PHC2: variants seen among roughly 807,000 people sequenced by gnomAD.
PHC2 encodes the protein polyhomeotic-like protein 2.
Under a neutral mutation model 87.4 loss-of-function variants are expected in PHC2, and 29 were observed. The observed-to-expected ratio is 0.33, with a 90% CI of 0.25 to 0.45. The LOEUF (loss-of-function observed/expected upper bound fraction) is 0.45, where lower values mean the gene tolerates loss of function less well. PHC2 is among the 20% of genes least tolerant of loss of function. The pLI is 1.00. For synonymous variants in PHC2, 438 were observed against 461.7 expected (o/e 0.95, Z 0.66); for missense variants, 857 against 1,136.7 (o/e 0.75, Z 3.54).
intron 1 of PHC2, among the ~76,000 whole-genome samples, chr1:33,421,598 CAG>C (rs1454709775): frequency 6.6e-6 from 1 of 152,106 alleles, no homozygotes; most frequent in African/African-American, 2.4e-5. Flanking sequence ...TGAGATGAAA[CAG>C]AGGATAGACA....
intron 2 of PHC2, among the ~76,000 whole-genome samples, chr1:33,373,989 A>T (rs971126926): frequency 5.3e-5 from 8 of 151,664 alleles, no homozygotes; most frequent in African/African-American, 2.4e-5. Context: ...CCCCATCCCA[A>T]CTCTTCCACA....
At chr1:33,380,239 C>G (rs1648430247) in intron 1 of PHC2, among the ~76,000 whole-genome samples, 1 of 152,168 alleles carries the variant, frequency 6.6e-6, no homozygotes, top group Non-Finnish European at 1.5e-5. Context: ...CTACACTCAC[C>G]TGTTGTGCAA....
chr1:33,364,459 C>T lies in PHC2; in HGVS notation c.976+2657G>A, dbSNP rs900955095. On this transcript the variant is annotated intron_variant, in intron 7 of 14. Transcript: ENST00000683057. The surrounding 1 kb of genome is among the most constrained non-coding windows in gnomAD (Gnocchi z 4.1). ...ACGCTCTTCTCTCCTGCTCTCAGAT[C>T]CCTTGGTTCATTGACAGTGGGTTGG... Among the ~76,000 whole-genome samples the T allele has an allele frequency of 6.6e-6, 1 of 151,854 alleles. No homozygotes were observed. Among genetic ancestry groups the T allele is most frequent in the Non-Finnish European group, 1.5e-5 (1 of 68,012 alleles).
chr1:33,361,581 T>C (rs1377220664), intron 7 of PHC2, among the ~76,000 whole-genome samples: 2 of 152,220 alleles, frequency 1.3e-5, no homozygotes, highest in African/African-American at 2.4e-5. Context: ...CCTCAAGTGA[T>C]CCGCCTGTCT....
chr1:33,352,069 G>C (rs1646984573), intron 9 of PHC2, among the ~76,000 whole-genome samples: 1 of 152,114 alleles, frequency 6.6e-6, no homozygotes, highest in Non-Finnish European at 1.5e-5. Context: ...TCAAGAGGAG[G>C]ATGCTTGTTT....
At chr1:33,378,518 T>A (rs943416536) in intron 1 of PHC2, among the ~76,000 whole-genome samples, 3 of 152,174 alleles carry the variant, frequency 2.0e-5, no homozygotes, top group African/African-American at 7.2e-5. Flanking sequence ...GAAGTACTTA[T>A]AAATATAAAA....
At chr1:33,370,165 C>T (rs1488270013) in intron 5 of PHC2, among the ~76,000 whole-genome samples, 1 of 152,180 alleles carries the variant, frequency 6.6e-6, no homozygotes, top group Admixed American at 6.5e-5. Flanking sequence ...ACTTCTGTTT[C>T]ACTCTAGGAG....
chr1:33,400,214 T>C (rs1649466605), intron 1 of PHC2, among the ~76,000 whole-genome samples: 1 of 152,220 alleles, frequency 6.6e-6, no homozygotes, highest in Non-Finnish European at 1.5e-5. Flanking sequence ...ATATCTGTTT[T>C]AGAGGGCAAT....
chr1:33,415,976 G>A (rs910699843), intron 1 of PHC2, among the ~76,000 whole-genome samples: 2 of 152,078 alleles, frequency 1.3e-5, no homozygotes, highest in Non-Finnish European at 2.9e-5. Flanking sequence ...CAGAGACACA[G>A]GAGACTGAAT....
intron 2 of PHC2, among the ~76,000 whole-genome samples, chr1:33,375,094 T>C (rs977351290): frequency 6.6e-6 from 1 of 152,256 alleles, no homozygotes. Context: ...GTCTGGGTTG[T>C]GGCTGAGCAG....
rs1245511253 is a variant in PHC2 at position 33,368,577 on chromosome 1, G to A, written c.622C>T (p.Leu208Phe). 1 of 1,550,414 alleles carries A rather than the reference G, an allele frequency of 6.4e-7. No homozygotes were observed. The highest frequency in any genetic ancestry group is 8.7e-7 in the Non-Finnish European group (1 of 1,146,530). Residue 208 changes from leucine to phenylalanine, a missense_variant, in exon 6 of 15, where the codon CTC becomes TTC. This residue lies in a region of PHC2 where 832 missense variants were observed against 1,081.8 expected (regional missense o/e 0.77). Transcript: ENST00000683057. The surrounding 1 kb of genome is among the most constrained non-coding windows in gnomAD (Gnocchi z 6.6). ...TATVATVQPELGTGSPARPPT... is the reference protein window; with the variant it reads ...TATVATVQPEFGTGSPARPPT... ...GGCCGGGCGGGGGAGCCAGTGCCGAGCTCAGGCTGCACAGTAGCGACGGTG... is the reference window on the plus strand; with the variant it reads ...GGCCGGGCGGGGGAGCCAGTGCCGAACTCAGGCTGCACAGTAGCGACGGTG...
intron 1 of PHC2, among the ~76,000 whole-genome samples, chr1:33,403,357 C>T (rs1051940157): frequency 6.6e-6 from 1 of 151,740 alleles, no homozygotes; most frequent in African/African-American, 2.4e-5. Context: ...GATCTCTTGA[C>T]CTCGTGATCC....
intron 3 of PHC2, 45 bp from the exon 4 acceptor site, chr1:33,371,139 C>T (rs749846801): frequency 1.3e-6 from 2 of 1,492,484 alleles, no homozygotes; most frequent in Non-Finnish European, 1.9e-6. Flanking sequence ...AGACCTCCCC[C>T]AGTCACTCCT....
At position 33,349,933 on chromosome 1, in the gene PHC2, G is replaced by A; in HGVS notation, c.1558+4468C>T. 1 of 853,762 alleles carries A rather than the reference G, an allele frequency of 1.2e-6. No homozygotes were observed. Among genetic ancestry groups the A allele is most frequent in the Non-Finnish European group, 1.4e-6 (1 of 712,108 alleles). 52.9% of individuals were successfully genotyped at this position (853,762 alleles called of 1,614,324 possible). ...TGGGACGGCTCCCGCGGCCGCCTCC[G>A]CCGGGGGCGGGGCGAGGGAGCGGGG... is the stretch of plus-strand genomic sequence containing the variant. On this transcript the variant is annotated intron_variant, in intron 9 of 14. Transcript: ENST00000683057. The surrounding 1 kb of genome is among the most constrained non-coding windows in gnomAD (Gnocchi z 4.2).
chr1:33,416,044 G>T (rs561733781), intron 1 of PHC2, among the ~76,000 whole-genome samples: 23 of 152,296 alleles, frequency 1.5e-4, no homozygotes, highest in Non-Finnish European at 3.2e-4. Context: ...TAATATTCAT[G>T]AAATTGGAGC....
intron 1 of PHC2, among the ~76,000 whole-genome samples, chr1:33,409,148 C>T (rs1649884063): frequency 6.6e-6 from 1 of 152,090 alleles, no homozygotes; most frequent in Admixed American, 6.5e-5. Context: ...CATCTAGAGC[C>T]ATAGTATTTT....
intron 9 of PHC2, among the ~76,000 whole-genome samples, chr1:33,351,622 C>T (rs750532976): frequency 2.6e-5 from 4 of 152,208 alleles, no homozygotes; most frequent in Admixed American, 6.5e-5. Context: ...TGCTACCTCC[C>T]TTCCCACAGT....
chr1:33,346,111 C>CA (rs1646840157), intron 9 of PHC2: 1 of 985,282 alleles, frequency 1.0e-6, no homozygotes, highest in Non-Finnish European at 1.2e-6. Context: ...TTCCATGAAA[C>CA]AAGGTGTTAA....
chr1:33,362,926 A>ATGAC (rs1281930676), intron 7 of PHC2: 5 of 152,274 alleles, frequency 3.3e-5, no homozygotes, highest in Non-Finnish European at 7.3e-5. Flanking sequence ...TGGTTTGGGG[A>ATGAC]TGACAGTGAC....
Sources: gnomAD v4.1 joint callset for allele counts (sites outside exome capture counted in the v4.1 genomes callset) on GRCh38, gnomAD v4.1.1 for gene constraint, gnomAD v4.1.1 regional missense constraint, Gnocchi (gnomAD v3.1) non-coding constraint, MANE v1.5 for transcripts, NCBI Gene and HGNC (gene_info 2026-07-23, HGNC 2026-07-21) for gene names.